Variants in LRP5 observed in about 807,000 individuals in gnomAD.
LRP5 encodes LDL receptor related protein 5.
Under a neutral mutation model 154.1 loss-of-function variants are expected in LRP5, and 62 were observed. The observed-to-expected ratio is 0.40, with a 90% confidence interval of 0.33 to 0.50. The LOEUF is 0.50. LRP5 is among the 20% of genes least tolerant of loss of function. LRP5 has a pLI of 0.55. For synonymous variants in LRP5, 966 were observed against 1,011.5 expected, an observed-to-expected ratio of 0.96 and a Z score of 0.85; for missense variants, 1,915 against 2,336.7, an observed-to-expected ratio of 0.82 and a Z score of 3.72.
chr11:68,372,054 C>T (rs1255054307), intron 5 of LRP5, among the ~76,000 whole-genome samples: 5 of 152,198 alleles, frequency 3.3e-5, no homozygotes, highest in Admixed American at 6.5e-5. Flanking sequence ...ACGCAGGTAA[C>T]GAAGGAGGCT....
intron 5 of LRP5, among the ~76,000 whole-genome samples, chr11:68,370,731 A>C (rs1347508600): frequency 6.6e-6 from 1 of 152,176 alleles, no homozygotes; most frequent in East Asian, 1.9e-4. Flanking sequence ...TTGGAGCATG[A>C]CTGGCACGCA....
rs118107686 is a variant in LRP5 at position 68,341,614 on chromosome 11, G to T, written c.92-6233G>T. On this transcript the variant is annotated intron_variant, in intron 1 of 22. Coordinates refer to ENST00000294304, the MANE Select transcript of LRP5 (RefSeq NM_002335.4). ...CTTGGGCACATGGGCACATGACGTGGTGGGAAGGCGCCCAGAGGACCAGCA... is the reference window on the plus strand; with the variant it reads ...CTTGGGCACATGGGCACATGACGTGTTGGGAAGGCGCCCAGAGGACCAGCA... Among the ~76,000 whole-genome samples, 356 of 152,190 alleles carry T rather than the reference G, an allele frequency of 2.3e-3. 4 individuals carry two copies. The highest frequency in any genetic ancestry group is 9.9e-3 in the East Asian group (51 of 5,176).
At chr11:68,312,860 C>T in intron 1 of LRP5, 55 bp downstream of exon 1, 1 of 933,856 alleles carries the variant, frequency 1.1e-6, no homozygotes, top group Non-Finnish European at 1.3e-6. Flanking sequence ...ATGGCCCGGG[C>T]GGCCCCGCGG....
chr11:68,313,101 G>A (rs1195589521), intron 1 of LRP5, among the ~76,000 whole-genome samples: 2 of 149,316 alleles, frequency 1.3e-5, no homozygotes, highest in African/African-American at 4.9e-5. Context: ...CCCGCGGGAA[G>A]CCGGGAGCCG....
the LRP5 span, among the ~76,000 whole-genome samples, chr11:68,301,080 C>T: frequency 6.8e-5 from 10 of 147,976 alleles, no homozygotes; most frequent in African/African-American, 2.4e-4. Context: ...CAGACGTGCA[C>T]CACCACGTCT....
chr11:68,368,840 AGGATAT>A (rs2098632508), intron 5 of LRP5, among the ~76,000 whole-genome samples: 1 of 150,280 alleles, frequency 6.7e-6, no homozygotes, highest in African/African-American at 2.5e-5. Context: ...GTTTTAGTGA[AGGATAT>A]CTTTTTTTTT....
intron 1 of LRP5, among the ~76,000 whole-genome samples, chr11:68,331,608 G>T (rs1403260934): frequency 4.6e-5 from 7 of 152,218 alleles, no homozygotes; most frequent in Admixed American, 4.6e-4. Flanking sequence ...TTTTGCAAGT[G>T]ATTTCTTATT....
At chr11:68,370,594 G>A (rs1164069116) in intron 5 of LRP5, among the ~76,000 whole-genome samples, 1 of 152,224 alleles carries the variant, frequency 6.6e-6, no homozygotes, top group Non-Finnish European at 1.5e-5. Flanking sequence ...AGAGCCGTCA[G>A]GGCCGCAGGG....
the LRP5 span, among the ~76,000 whole-genome samples, chr11:68,304,800 C>CTATA: frequency 6.6e-6 from 1 of 152,250 alleles, no homozygotes; most frequent in African/African-American, 2.4e-5. Flanking sequence ...TGCTTGGGGC[C>CTATA]TATAGCCCCT....
chr11:68,438,442 G>T lies in LRP5; in HGVS notation c.4112-4G>T. On this transcript the variant is annotated splice_polypyrimidine_tract_variant and splice_region_variant and intron_variant, in intron 19 of 22. Coordinates refer to ENST00000294304, the MANE Select transcript of LRP5 (RefSeq NM_002335.4). ...GGCCACCTCTTTCTGTTTGTCTCTGGCAGAAATCACCAAGCCGCCCTCAGA... is the reference window on the plus strand; with the variant it reads ...GGCCACCTCTTTCTGTTTGTCTCTGTCAGAAATCACCAAGCCGCCCTCAGA... The T allele has an allele frequency of 6.2e-7, 1 of 1,613,630 alleles. No individual in the cohort carries two copies. The highest frequency in any genetic ancestry group is 8.5e-7 in the Non-Finnish European group (1 of 1,179,620).
intron 5 of LRP5, among the ~76,000 whole-genome samples, chr11:68,368,028 A>T (rs571977910): frequency 6.7e-6 from 1 of 150,346 alleles, no homozygotes; most frequent in Non-Finnish European, 1.5e-5. Flanking sequence ...TCATGCCGCT[A>T]TACTCCAGCC....
At chr11:68,400,533 C>T (rs996007433) in intron 7 of LRP5, among the ~76,000 whole-genome samples, 2 of 151,352 alleles carry the variant, frequency 1.3e-5, no homozygotes, top group Non-Finnish European at 2.9e-5. Flanking sequence ...CCGGCCTGAC[C>T]AAGATGGAGA....
rs755869663 is a variant in LRP5, at chr11:68,447,721, CT to C, written c.4587-1084del. 2.0e-5 allele frequency among the ~76,000 whole-genome samples: 3 copies of C among 152,194 alleles called. No individual in the cohort carries two copies. Among genetic ancestry groups the C allele is most frequent in the Non-Finnish European group, 4.4e-5 (3 of 68,038 alleles). On this transcript the variant is annotated intron_variant, in intron 22 of 22. Coordinates refer to ENST00000294304, the MANE Select transcript of LRP5 (RefSeq NM_002335.4). The surrounding 1 kb of genome is among the most constrained non-coding windows in gnomAD (Gnocchi z 4.3). ...AAGAGGAGTATCCTGTCCTGCTGCACTTTTCTCAACACCCGGTGTTGGCTGC... is the reference window on the plus strand; with the variant it reads ...AAGAGGAGTATCCTGTCCTGCTGCACTTTCTCAACACCCGGTGTTGGCTGC...
rs1046459013 is a variant in LRP5 at position 68,348,944 on chromosome 11, C to G, written c.488+701C>G. Among the ~76,000 whole-genome samples, 22 of 145,298 alleles carry G rather than the reference C, an allele frequency of 1.5e-4. 1 individual carries two copies. The highest frequency in any genetic ancestry group is 6.8e-5 in the Admixed American group (1 of 14,624). On this transcript the variant is annotated intron_variant, in intron 2 of 22. Coordinates refer to ENST00000294304, the MANE Select transcript of LRP5 (RefSeq NM_002335.4). The stretch of plus-strand genomic sequence containing the variant: ...GGGCGACAAAGTGAGGAGATCCTGT[C>G]TCAAAAAAAAAAAAGAGCTCAGCTT...
intron 1 of LRP5, among the ~76,000 whole-genome samples, chr11:68,339,044 C>T (rs1336726746): frequency 6.7e-6 from 1 of 148,610 alleles, no homozygotes; most frequent in African/African-American, 2.5e-5. Context: ...TGGCTAATTT[C>T]TGTATTTTTA....
chr11:68,328,187 C>T (rs1215018450), intron 1 of LRP5, among the ~76,000 whole-genome samples: 3 of 152,236 alleles, frequency 2.0e-5, no homozygotes, highest in Non-Finnish European at 4.4e-5. Context: ...TGTTTGGCTG[C>T]TGATGGCGGC....
intron 2 of LRP5, among the ~76,000 whole-genome samples, chr11:68,355,214 C>A (rs2098622210): frequency 6.6e-6 from 1 of 152,070 alleles, no homozygotes; most frequent in Non-Finnish European, 1.5e-5. Context: ...TGAATGGAGA[C>A]CCCCAGAGGG....
At chr11:68,326,251 G>T (rs374257039) in intron 1 of LRP5, among the ~76,000 whole-genome samples, 2 of 152,308 alleles carry the variant, frequency 1.3e-5, no homozygotes, top group African/African-American at 4.8e-5. Context: ...ATGGCAGGGG[G>T]CTGAGGGCTG....
chr11:68,391,180 G>A (rs2098646105), intron 7 of LRP5, among the ~76,000 whole-genome samples: 1 of 152,186 alleles, frequency 6.6e-6, no homozygotes, highest in Non-Finnish European at 1.5e-5. Context: ...TGTTGGTCAG[G>A]CTGGTCTGGA....
Sources: gnomAD v4.1 joint callset for allele counts (sites outside exome capture counted in the v4.1 genomes callset) on GRCh38, gnomAD v4.1.1 for gene constraint, Gnocchi (gnomAD v3.1) non-coding constraint, MANE v1.5 for transcripts, NCBI Gene and HGNC (gene_info 2026-07-23, HGNC 2026-07-21) for gene names.